Variants in PAK3 observed in about 807,000 individuals in gnomAD.
PAK3 encodes the protein serine/threonine-protein kinase PAK 3.
A neutral mutation model predicts 41.0 loss-of-function variants in PAK3; 4 were observed. That is an observed-to-expected ratio of 0.10 (90% confidence interval 0.05 to 0.22). The LOEUF (loss-of-function observed/expected upper bound fraction) is 0.22. Ranked by LOEUF, PAK3 falls within the 10% of genes least tolerant of loss-of-function variation. PAK3 has a pLI of 1.00. For missense variants in PAK3, 205 were observed against 409.9 expected, an observed-to-expected ratio of 0.50 and a Z score of 4.32; for synonymous variants, 146 against 139.6, an observed-to-expected ratio of 1.05 and a Z score of -0.32.
intron 8 of PAK3, among the ~76,000 whole-genome samples, chrX:111,157,562 G>A (rs1044805198): frequency 7.2e-5 from 8 of 110,783 alleles, no homozygotes; most frequent in Non-Finnish European, 1.1e-4. Flanking sequence ...AGGCTGAGGC[G>A]GGCGGATCAC....
intron 1 of PAK3, among the ~76,000 whole-genome samples, chrX:111,020,395 A>G (rs1419256413): frequency 2.7e-5 from 3 of 111,564 alleles, no homozygotes; most frequent in African/African-American, 9.8e-5. Flanking sequence ...AGGAGCTGAG[A>G]GGAGGGGAGA....
intron 1 of PAK3, among the ~76,000 whole-genome samples, chrX:110,956,893 G>A (rs2090871851): frequency 8.9e-6 from 1 of 111,866 alleles, no homozygotes; most frequent in Admixed American, 9.4e-5. Context: ...CCTGGTGACA[G>A]GACCTTCTTT....
chrX:111,017,669 G>A (rs970892773), intron 1 of PAK3, among the ~76,000 whole-genome samples: 2 of 111,517 alleles, frequency 1.8e-5, no homozygotes, highest in Non-Finnish European at 3.8e-5. Context: ...ACATTTAAGA[G>A]TAATTAACAT....
At chrX:111,114,645 C>T (rs1282074701) in intron 4 of PAK3, among the ~76,000 whole-genome samples, 15 of 111,803 alleles carry the variant, frequency 1.3e-4, no homozygotes, top group Non-Finnish European at 2.8e-4. Flanking sequence ...CCTAGGTGAT[C>T]TGCTAAAGGC....
chrX:111,176,125 G>C (rs771265231), intron 11 of PAK3, among the ~76,000 whole-genome samples: 1 of 110,874 alleles, frequency 9.0e-6, no homozygotes, highest in African/African-American at 3.3e-5. Context: ...GTGCAGTTAT[G>C]ATCAACAGCT....
chrX:111,002,487 A>C (rs1422345919), intron 1 of PAK3, among the ~76,000 whole-genome samples: 2 of 111,553 alleles, frequency 1.8e-5, no homozygotes, highest in Non-Finnish European at 3.8e-5. Context: ...CTCCATACAC[A>C]AGGATAACTG....
intron 1 of PAK3, among the ~76,000 whole-genome samples, chrX:111,032,124 A>G (rs2092347110): frequency 8.9e-6 from 1 of 111,784 alleles, no homozygotes; most frequent in Admixed American, 9.5e-5. Context: ...TTTGAGAGGG[A>G]TTTACTGGCT....
chrX:111,072,456 C>T lies in PAK3; in HGVS notation c.-27-50621C>T, dbSNP rs1478606513. Among the ~76,000 whole-genome samples, 3 of 112,474 alleles carry T rather than the reference C, an allele frequency of 2.7e-5. No individual in the cohort carries two copies. The Admixed American group carries it at 2.8e-4, about 11-fold the overall frequency. ...TCACCAGGCAAGTTTTAGCAACAAA[C>T]TTATGAAAAACTGTTTGGTCTTCAG... On this transcript the variant is annotated intron_variant, in intron 1 of 14. Transcript: ENST00000425146.
chrX:111,130,075 T>C (rs377001201), intron 5 of PAK3, among the ~76,000 whole-genome samples: 3 of 112,063 alleles, frequency 2.7e-5, no homozygotes, highest in East Asian at 5.6e-4. Flanking sequence ...CATATGTCAA[T>C]TGAATGCAAA....
chrX:111,123,430 T>C, intron 5 of PAK3, 152 bp downstream of exon 5: 1 of 476,108 alleles, frequency 2.1e-6, no homozygotes, highest in Admixed American at 3.8e-5. Flanking sequence ...TGTCAGAGAA[T>C]AATGTTTGAT....
intron 1 of PAK3, among the ~76,000 whole-genome samples, chrX:111,077,458 G>A (rs1369438771): frequency 2.7e-5 from 3 of 111,647 alleles, no homozygotes; most frequent in Non-Finnish European, 5.6e-5. Flanking sequence ...CATAAGAATA[G>A]ATATATAGAC....
chrX:110,972,216 G>C (rs780318679), intron 1 of PAK3, among the ~76,000 whole-genome samples: 2 of 111,400 alleles, frequency 1.8e-5, no homozygotes, highest in Non-Finnish European at 3.8e-5. Context: ...GCAGTGATGA[G>C]AGTAGAAATC....
chrX:111,204,017 AG>A (rs1183219295), intron 16 of PAK3, among the ~76,000 whole-genome samples: 1 of 111,802 alleles, frequency 8.9e-6, no homozygotes, highest in Non-Finnish European at 1.9e-5. Flanking sequence ...GCCTAAAAGG[AG>A]GGGGAAGTTG....
At chrX:110,979,296 CTTTTTTTTTTT>C (rs869275249) in intron 1 of PAK3, among the ~76,000 whole-genome samples, 1 of 9,054 alleles carries the variant, frequency 1.1e-4, no homozygotes, top group Non-Finnish European at 5.1e-4. Context: ...TATTACTTTT[CTTTTTTTTTTT>C]TTTTTTTTTT....
chrX:111,076,762 C>T (rs1286136128), intron 1 of PAK3, among the ~76,000 whole-genome samples: 1 of 112,054 alleles, frequency 8.9e-6, no homozygotes, highest in Non-Finnish European at 1.9e-5. Flanking sequence ...CAATCAAGAA[C>T]AAGACAAGGA....
At chrX:111,160,632 A>G (rs2094165561) in intron 8 of PAK3, among the ~76,000 whole-genome samples, 3 of 107,854 alleles carry the variant, frequency 2.8e-5, no homozygotes, top group Non-Finnish European at 5.8e-5. Flanking sequence ...CCACCCCACA[A>G]CAGTCCCCGG....
intron 1 of PAK3, among the ~76,000 whole-genome samples, chrX:111,060,846 T>C (rs2092649595): frequency 8.9e-6 from 1 of 112,141 alleles, no homozygotes; most frequent in African/African-American, 3.2e-5. Context: ...TTACATATAA[T>C]GTCTTGAGCA....
rs150976552 is a variant in PAK3 at position 111,010,153 on chromosome X, C to T, written c.-28+65525C>T. Among the ~76,000 whole-genome samples the T allele has an allele frequency of 1.3e-4, 14 of 111,964 alleles. No homozygotes were observed. The East Asian group carries it at 2.8e-3, about 22-fold the overall frequency. ...AATTGTGGAAATTGTCCTGCCTTAC[C>T]TCGCTCAGATTTATGAGTATAAAAT... On this transcript the variant is annotated intron_variant, in intron 1 of 14. Coordinates refer to the PAK3 transcript ENST00000425146.
Position 111,220,945 on chromosome X carries a change from C to CAAAAAAAAAAAAAAAAAA in PAK3, c.*515_*516insAAAAAAAAAAAAAAAAAA. 2.4e-4 allele frequency: 12 copies of CAAAAAAAAAAAAAAAAAA among 49,415 alleles called. No homozygotes were observed. Among genetic ancestry groups the CAAAAAAAAAAAAAAAAAA allele is most frequent in the African/African-American group, 1.0e-3 (12 of 11,734 alleles). The allele number at this position is 49,415 out of a possible 1,213,427, so 4.1% of individuals were successfully genotyped here. On this transcript the variant is annotated 3_prime_UTR_variant, in exon 18 of 18. Coordinates refer to ENST00000372007, the MANE Select transcript of PAK3 (RefSeq NM_002578.5). Reference sequence around the variant, plus strand: ...AAAAAAGAAAGCAAAAAAAGCAAGGCAAAAAAAAAAAAAAAAACAAACAAA... The same window carrying CAAAAAAAAAAAAAAAAAA: ...AAAAAAGAAAGCAAAAAAAGCAAGGCAAAAAAAAAAAAAAAAAAAAAAAAAAAAAAAAAAACAAACAAA...
Sources: allele counts gnomAD v4.1 joint callset (sites outside exome capture counted in the v4.1 genomes callset), GRCh38; gene constraint gnomAD v4.1.1; transcripts MANE v1.5; gene names NCBI Gene and HGNC (gene_info 2026-07-23, HGNC 2026-07-21).